The following SLC24A2 variants were observed in gnomAD, a reference collection of about 807,000 sequenced individuals.
SLC24A2 encodes the protein sodium/potassium/calcium exchanger 2.
SLC24A2 carries 36 observed loss-of-function variants against 62.0 expected under a neutral mutation model. The observed-to-expected ratio is 0.58, with a 90% CI of 0.44 to 0.77. The LOEUF is 0.77. Ranked by LOEUF, SLC24A2 falls within the 30% of genes least tolerant of loss-of-function variation. The pLI, the probability that SLC24A2 is intolerant of heterozygous loss-of-function variation, is 0.00. For synonymous variants in SLC24A2, 358 were observed against 294.0 expected (o/e 1.22, Z -2.23); for missense variants, 846 against 817.9 (o/e 1.03, Z -0.42).
intron 7 of SLC24A2, among the ~76,000 whole-genome samples, chr9:19,557,205 C>T (rs1315202027): frequency 2.0e-5 from 3 of 152,216 alleles, no homozygotes; most frequent in Admixed American, 1.3e-4. Flanking sequence ...ATGGGCTTTA[C>T]ATCCAGTTAT....
the SLC24A2 span, among the ~76,000 whole-genome samples, chr9:20,053,436 A>T: frequency 2.0e-5 from 3 of 152,260 alleles, no homozygotes; most frequent in East Asian, 5.8e-4. Context: ...TCTCTTCACA[A>T]AGATGCTCTC....
intron 2 of SLC24A2, among the ~76,000 whole-genome samples, chr9:19,749,631 C>G (rs1821926751): frequency 6.6e-6 from 1 of 152,170 alleles, no homozygotes. Context: ...ATTCAAGATG[C>G]TCAGCTAAAT....
intron 2 of SLC24A2, among the ~76,000 whole-genome samples, chr9:19,752,056 T>A (rs980707717): frequency 1.3e-5 from 2 of 152,194 alleles, no homozygotes; most frequent in African/African-American, 2.4e-5. Context: ...GTCAAAAGGT[T>A]GTCAAATGGC....
chr9:20,258,046 T>C, the SLC24A2 span, among the ~76,000 whole-genome samples: 19 of 152,188 alleles, frequency 1.2e-4, no homozygotes, highest in Non-Finnish European at 2.4e-4. Context: ...GCATTATAGA[T>C]TTCCTCTCCC....
intron 5 of SLC24A2, among the ~76,000 whole-genome samples, chr9:19,590,490 A>G (rs932679641): frequency 1.3e-5 from 2 of 151,938 alleles, no homozygotes; most frequent in Non-Finnish European, 2.9e-5. Context: ...GCCCTTCCTT[A>G]TTACTTCTAG....
At chr9:19,713,794 C>T (rs974575085) in intron 2 of SLC24A2, among the ~76,000 whole-genome samples, 8 of 151,854 alleles carry the variant, frequency 5.3e-5, no homozygotes, top group Admixed American at 2.0e-4. Context: ...TTTTTCCCCC[C>T]GATGATTTGT....
At chr9:20,180,471 T>A in the SLC24A2 span, among the ~76,000 whole-genome samples, 2 of 152,206 alleles carry the variant, frequency 1.3e-5, no homozygotes, top group African/African-American at 4.8e-5. Flanking sequence ...AAACCATCCA[T>A]TTTTAAAAAT....
chr9:19,557,421 A>T (rs1424139210), intron 7 of SLC24A2, among the ~76,000 whole-genome samples: 1 of 152,200 alleles, frequency 6.6e-6, no homozygotes, highest in Non-Finnish European at 1.5e-5. Context: ...GGTGGTTCTT[A>T]TCCTGGGGCA....
At chr9:20,138,120 C>G in the SLC24A2 span, among the ~76,000 whole-genome samples, 1 of 151,992 alleles carries the variant, frequency 6.6e-6, no homozygotes, top group African/African-American at 2.4e-5. Flanking sequence ...TTTTTTTAAT[C>G]CTAACCTCTA....
chr9:20,070,523 T>C, the SLC24A2 span, among the ~76,000 whole-genome samples: 2 of 152,214 alleles, frequency 1.3e-5, no homozygotes, highest in African/African-American at 2.4e-5. Context: ...AGGCAGCATA[T>C]TCAGGTTAGA....
At chr9:19,732,053 C>A (rs1329054342) in intron 2 of SLC24A2, among the ~76,000 whole-genome samples, 1 of 152,058 alleles carries the variant, frequency 6.6e-6, no homozygotes. Context: ...AAAAATGATA[C>A]CTATTGCTGT....
chr9:20,196,179 A>C, the SLC24A2 span, among the ~76,000 whole-genome samples: 4 of 152,228 alleles, frequency 2.6e-5, no homozygotes, highest in Non-Finnish European at 2.9e-5. Context: ...CTATTTGACA[A>C]TATGTATAAA....
At chr9:20,172,638 G>A in the SLC24A2 span, among the ~76,000 whole-genome samples, 1 of 151,938 alleles carries the variant, frequency 6.6e-6, no homozygotes, top group Non-Finnish European at 1.5e-5. Context: ...AACTCTCCTA[G>A]CTTAAATCAG....
chr9:20,023,708 T>G, the SLC24A2 span, among the ~76,000 whole-genome samples: 36 of 152,208 alleles, frequency 2.4e-4, no homozygotes, highest in African/African-American at 8.4e-4. Flanking sequence ...TCTTGGCTCC[T>G]AGTGATTTTG....
intron 2 of SLC24A2, among the ~76,000 whole-genome samples, chr9:19,642,059 G>A (rs552914306): frequency 6.6e-6 from 1 of 152,152 alleles, no homozygotes; most frequent in Non-Finnish European, 1.5e-5. Context: ...GGGAGGGGAA[G>A]TGTGTGTGAG....
At chr9:19,517,932 C>T (rs891630139) in intron 10 of SLC24A2, among the ~76,000 whole-genome samples, 10 of 147,240 alleles carry the variant, frequency 6.8e-5, no homozygotes, top group African/African-American at 2.5e-4. Context: ...CACACACACA[C>T]ACACACACAC....
chr9:20,117,174 C>A, the SLC24A2 span, among the ~76,000 whole-genome samples: 15 of 152,142 alleles, frequency 9.9e-5, no homozygotes, highest in African/African-American at 3.6e-4. Context: ...TGTGGTCAGA[C>A]AACTAGGTTC....
At chr9:20,025,424 C>A in the SLC24A2 span, among the ~76,000 whole-genome samples, 1 of 152,012 alleles carries the variant, frequency 6.6e-6, no homozygotes, top group Non-Finnish European at 1.5e-5. Flanking sequence ...AATATTTAAG[C>A]TACAAATTAA....
At chr9:19,853,342 A>G in the SLC24A2 span, among the ~76,000 whole-genome samples, 2 of 152,064 alleles carry the variant, frequency 1.3e-5, no homozygotes, top group African/African-American at 4.8e-5. Flanking sequence ...TTCCAATACT[A>G]TGTTGAATAG....
Sources: allele counts gnomAD v4.1 joint callset (sites outside exome capture counted in the v4.1 genomes callset), GRCh38; gene constraint gnomAD v4.1.1; transcripts MANE v1.5; gene names NCBI Gene and HGNC (gene_info 2026-07-23, HGNC 2026-07-21).